Variants in DNAH12 observed in about 807,000 individuals in gnomAD.
The protein encoded by DNAH12 is dynein axonemal heavy chain 12.
DNAH12 carries 285 observed loss-of-function variants against 371.5 expected under a neutral mutation model. That is an observed-to-expected ratio of 0.77 (90% CI 0.70 to 0.85). The LOEUF (loss-of-function observed/expected upper bound fraction) is 0.85. Among genes scored for constraint, DNAH12 ranks in the 40% least tolerant of loss-of-function variants. The pLI, the probability that DNAH12 is intolerant of heterozygous loss-of-function variation, is 0.00. For synonymous variants in DNAH12, 1,200 were observed against 1,213.0 expected (o/e 0.99, Z 0.22); for missense variants, 3,611 against 3,689.4 (o/e 0.98, Z 0.55).
chr3:57,380,008 T>A (rs2063356435), intron 51 of DNAH12, among the ~76,000 whole-genome samples: 1 of 152,166 alleles, frequency 6.6e-6, no homozygotes, highest in African/African-American at 2.4e-5. Context: ...ATAATTAATT[T>A]ATCATAACAA....
Position 57,421,649 on chromosome 3 carries a change from G to C in DNAH12, c.5431C>G (p.Arg1811Gly), listed in dbSNP as rs1195038562. 1.9e-6 allele frequency: 3 copies of C among 1,551,432 alleles called. No homozygotes were observed. In the East Asian group the frequency reaches 7.3e-5, roughly 38 times the overall value. Reference protein sequence around the residue: ...SIGGSCDTDGRRVFDTFIRLI... With the variant: ...SIGGSCDTDGGRVFDTFIRLI... ...CGTATGAAAGTATCAAAAACACGACGGCCATCTGTATCACAACTTCCTCCA... is the reference window on the plus strand; with the variant it reads ...CGTATGAAAGTATCAAAAACACGACCGCCATCTGTATCACAACTTCCTCCA... The change falls in exon 36 of 74, where the codon CGT becomes GGT. Residue 1811 changes from arginine to glycine, a missense_variant. Arg to Gly is a moderately radical substitution (Grantham distance 125, BLOSUM62 -2). Transcript: ENST00000495027.
At chr3:57,502,237 C>A in intron 10 of DNAH12, 86 bp downstream of exon 10, 1 of 1,530,682 alleles carries the variant, frequency 6.5e-7, no homozygotes, top group Non-Finnish European at 8.9e-7. Context: ...TCTTTCATGG[C>A]AGCCCCAGAC....
At chr3:57,519,497 T>C (rs1372419405) in intron 4 of DNAH12, among the ~76,000 whole-genome samples, 2 of 152,062 alleles carry the variant, frequency 1.3e-5, no homozygotes, top group Non-Finnish European at 2.9e-5. Flanking sequence ...TTTCTGAAAA[T>C]AAAACTGACA....
intron 55 of DNAH12, 117 bp downstream of exon 55, chr3:57,375,254 A>G (rs1347942255): frequency 6.6e-6 from 1 of 152,176 alleles, no homozygotes; most frequent in East Asian, 1.9e-4. Flanking sequence ...TGTTAATTGC[A>G]GAATCTAGGA....
intron 44 of DNAH12, among the ~76,000 whole-genome samples, chr3:57,392,267 C>T (rs1238226774): frequency 3.9e-5 from 6 of 152,056 alleles, no homozygotes; most frequent in African/African-American, 1.4e-4. Flanking sequence ...AATTTAAAAA[C>T]AAGTTATCTG....
chr3:57,431,363 A>C (rs899393275), intron 32 of DNAH12, among the ~76,000 whole-genome samples: 1 of 152,190 alleles, frequency 6.6e-6, no homozygotes, highest in African/African-American at 2.4e-5. Flanking sequence ...ACAGCTGCCC[A>C]TCAGATCCTT....
At position 57,334,852 on chromosome 3, in the gene DNAH12, T is replaced by C; in HGVS notation, c.9763A>G (p.Thr3255Ala). ...TCCCAGCTTTTGTCCTGTAGCCAAG[T>C]TGGATCAGGATTTTTCTCAGCACTT... ...LKSAEKNPDPTWLQDKSWEEI... is the reference protein window; with the variant it reads ...LKSAEKNPDPAWLQDKSWEEI... The change falls in exon 61 of 74, where the codon ACT (threonine) becomes GCT (alanine). Residue 3255 changes from threonine to alanine, a missense_variant. Thr to Ala is a moderately conservative substitution (Grantham distance 58). Transcript: ENST00000495027. The C allele has an allele frequency of 6.4e-7, 1 of 1,552,002 alleles. No homozygotes were observed. Among genetic ancestry groups the C allele is most frequent in the South Asian group, 1.2e-5 (1 of 84,058 alleles).
intron 62 of DNAH12, among the ~76,000 whole-genome samples, chr3:57,327,176 C>T (rs1041217522): frequency 3.3e-5 from 5 of 152,008 alleles, no homozygotes; most frequent in African/African-American, 1.2e-4. Flanking sequence ...ACAAGGATAC[C>T]CAGGAGTTGA....
At chr3:57,500,146 T>A (rs780902925) in intron 11 of DNAH12, among the ~76,000 whole-genome samples, 24 of 102,886 alleles carry the variant, frequency 2.3e-4, no homozygotes, top group Non-Finnish European at 4.1e-4. Flanking sequence ...GTTCAAGCGA[T>A]CCTACTCCTC....
intron 2 of DNAH12, among the ~76,000 whole-genome samples, chr3:57,537,223 A>G (rs9870678): frequency 0.36 from 54,870 of 152,116 alleles, 11,083 homozygotes; most frequent in South Asian, 0.55. Context: ...TGGCAAAAAC[A>G]TGAATAATCA....
intron 62 of DNAH12, among the ~76,000 whole-genome samples, chr3:57,332,327 A>C (rs570100096): frequency 1.3e-5 from 2 of 152,196 alleles, no homozygotes; most frequent in South Asian, 4.1e-4. Flanking sequence ...TAAAATTGTG[A>C]CATGTACAAA....
chr3:57,499,014 AAC>A (rs1559723402), intron 11 of DNAH12, among the ~76,000 whole-genome samples: 1 of 151,522 alleles, frequency 6.6e-6, no homozygotes, highest in Non-Finnish European at 1.5e-5. Context: ...CAAAAACAAA[AAC>A]ACACACACAC....
chr3:57,474,336 G>A (rs1326118517), intron 13 of DNAH12, among the ~76,000 whole-genome samples: 2 of 152,040 alleles, frequency 1.3e-5, no homozygotes, highest in East Asian at 3.8e-4. Flanking sequence ...CACTCTTGTT[G>A]CCCAGGCTGG....
Position 57,433,476 on chromosome 3 carries a change from CTA to C in DNAH12, c.4869_4870del (p.Phe1623LeufsTer10). The C allele has an allele frequency of 1.9e-6, 3 of 1,551,432 alleles. No homozygotes were observed. Among genetic ancestry groups the C allele is most frequent in the Non-Finnish European group, 2.6e-6 (3 of 1,146,890 alleles). On this transcript the variant is annotated frameshift_variant, in exon 32 of 74. Coordinates refer to ENST00000495027, the MANE Select transcript of DNAH12 (RefSeq NM_001366028.2). LOFTEE classifies it high-confidence loss of function. ...AGGTGTTTCTGATAAGGCAAATTCT[CTA>C]AAAGTGTTAGCCACAATACCATCAG...
At chr3:57,495,055 T>A (rs979744572) in intron 11 of DNAH12, among the ~76,000 whole-genome samples, 2 of 151,772 alleles carry the variant, frequency 1.3e-5, no homozygotes, top group Admixed American at 1.3e-4. Flanking sequence ...TTTAAAATAA[T>A]AAAAGGGTCA....
At chr3:57,348,520 A>G (rs1263377012) in intron 60 of DNAH12, among the ~76,000 whole-genome samples, 1 of 152,178 alleles carries the variant, frequency 6.6e-6, no homozygotes, top group African/African-American at 2.4e-5. Flanking sequence ...TGATATGTCA[A>G]TGCAAGCTCA....
At chr3:57,438,166 C>T (rs899691083) in intron 29 of DNAH12, among the ~76,000 whole-genome samples, 1 of 151,956 alleles carries the variant, frequency 6.6e-6, no homozygotes, top group African/African-American at 2.4e-5. Context: ...AAAAAATCAG[C>T]CAGGCGTGGT....
chr3:57,430,395 G>GT (rs1330145882), intron 32 of DNAH12, among the ~76,000 whole-genome samples: 1 of 152,088 alleles, frequency 6.6e-6, no homozygotes, highest in East Asian at 1.9e-4. Flanking sequence ...CTAATACTCA[G>GT]TCAATACTCA....
At chr3:57,374,781 A>C (rs2063247954) in intron 55 of DNAH12, among the ~76,000 whole-genome samples, 1 of 144,932 alleles carries the variant, frequency 6.9e-6, no homozygotes, top group Non-Finnish European at 1.5e-5. Flanking sequence ...TGCCAAAAGA[A>C]GCCTTACCCA....
Sources: gnomAD v4.1 joint callset for allele counts (sites outside exome capture counted in the v4.1 genomes callset) on GRCh38, gnomAD v4.1.1 for gene constraint, MANE v1.5 for transcripts, NCBI Gene and HGNC (gene_info 2026-07-23, HGNC 2026-07-21) for gene names.